The following MICAL3 variants were observed in gnomAD, a reference collection of about 807,000 sequenced individuals.
The protein encoded by MICAL3 is [F-actin]-monooxygenase MICAL3.
In MICAL3, 62 loss-of-function variants were observed where a neutral mutation model predicts 207.4. That is an observed-to-expected ratio of 0.30 (90% CI 0.24 to 0.37). The LOEUF (loss-of-function observed/expected upper bound fraction) is 0.37. Ranked by LOEUF, MICAL3 falls within the 10% of genes least tolerant of loss-of-function variation. MICAL3 has a pLI of 1.00. For missense variants in MICAL3, 2,368 were observed against 2,635.6 expected, an observed-to-expected ratio of 0.90 and a Z score of 2.22; for synonymous variants, 1,077 against 1,069.3, an observed-to-expected ratio of 1.01 and a Z score of -0.14.
chr22:17,839,258 A>AT lies in MICAL3; in HGVS notation c.2801+2563dup, dbSNP rs58568915. Among the ~76,000 whole-genome samples the AT allele has an allele frequency of 6.9e-3, 764 of 110,360 alleles. 31 individuals are homozygous for AT. The highest frequency in any genetic ancestry group is 0.021 in the African/African-American group (567 of 26,470). The allele number at this position is 110,360 out of a possible 152,430, so 72.4% of individuals were successfully genotyped here. On this transcript the variant is annotated intron_variant, in intron 20 of 31. Transcript: ENST00000441493. ...GCTACCGCACCAGGCCGGGCTCTTC[A>AT]TTTTTTTTTTTTTTTTTGAGACGAA...
intron 1 of MICAL3, among the ~76,000 whole-genome samples, chr22:17,974,987 C>A (rs1481720951): frequency 6.6e-6 from 1 of 152,214 alleles, no homozygotes; most frequent in Non-Finnish European, 1.5e-5. Context: ...GGCAGCTGGA[C>A]TCTGGAGCCC....
At chr22:17,927,396 A>G (rs1932973525) in intron 1 of MICAL3, among the ~76,000 whole-genome samples, 2 of 152,160 alleles carry the variant, frequency 1.3e-5, no homozygotes, top group South Asian at 2.1e-4. Context: ...AAACATGGGG[A>G]CACAAATACA....
chr22:17,849,688 ATTTTTTTTTT>A (rs57344653), intron 19 of MICAL3, among the ~76,000 whole-genome samples: 3 of 36,280 alleles, frequency 8.3e-5, no homozygotes, highest in East Asian at 2.0e-3. Context: ...GTGTGTGTGT[ATTTTTTTTTT>A]TTTTTTTTTT....
intron 1 of MICAL3, among the ~76,000 whole-genome samples, chr22:18,022,205 C>T (rs932225770): frequency 6.6e-6 from 1 of 152,020 alleles, no homozygotes; most frequent in Non-Finnish European, 1.5e-5. Flanking sequence ...CTTTTTGCCG[C>T]CCACCCCCAG....
intron 19 of MICAL3, chr22:17,863,247 T>C: frequency 1.0e-6 from 1 of 985,446 alleles, no homozygotes. Context: ...TTAAAAAATG[T>C]TCTGTACTCC....
rs2061823974 is a variant in MICAL3 at position 17,791,453 on chromosome 22, G to C, written c.5651-152C>G. 3 of 674,874 alleles carry C rather than the reference G, an allele frequency of 4.4e-6. No homozygotes were observed. In the South Asian group the frequency reaches 5.3e-5, roughly 12 times the overall value. The allele number at this position is 674,874 out of a possible 1,614,324, so 41.8% of individuals were successfully genotyped here. A position where few individuals can be genotyped will look rare whatever the true frequency, so the allele number is the denominator to read the frequency against. On this transcript the variant is annotated intron_variant, in intron 29 of 31. Coordinates refer to ENST00000441493, the MANE Select transcript of MICAL3 (RefSeq NM_015241.3). Reference sequence around the variant, plus strand: ...GGCCCAAGGTTTGCCTGCAGCCATGGGGCCCTGGCGTCCCCCTTCCTGGGG... The same window carrying C: ...GGCCCAAGGTTTGCCTGCAGCCATGCGGCCCTGGCGTCCCCCTTCCTGGGG...
chr22:17,941,531 G>A (rs1300884370), intron 1 of MICAL3, among the ~76,000 whole-genome samples: 1 of 152,188 alleles, frequency 6.6e-6, no homozygotes, highest in African/African-American at 2.4e-5. Flanking sequence ...AAGACGGAAA[G>A]TAGAAACAGG....
At chr22:17,959,767 C>T (rs1391649155) in intron 1 of MICAL3, among the ~76,000 whole-genome samples, 1 of 152,042 alleles carries the variant, frequency 6.6e-6, no homozygotes, top group Non-Finnish European at 1.5e-5. Context: ...AGATAGCTCT[C>T]CCTGCCCATA....
At position 17,790,792 on chromosome 22, in the gene MICAL3, C is replaced by T. The variant is rs1185233564; in HGVS notation, c.5949G>A (p.Glu1983=). The change falls in exon 32 of 32, where the codon GAG becomes GAA. Residue 1983 remains glutamate (E), a synonymous_variant. Coordinates refer to ENST00000441493, the MANE Select transcript of MICAL3 (RefSeq NM_015241.3). ...LLEEQRLRER[E]EDKDLEAAML... is the part of the protein sequence containing the mutation. ...TGGCAGCCTCCAGGTCCTTGTCCTCCTCTCTCTCCCGGAGCCGCTGCTCCT... is the reference window on the plus strand; with the variant it reads ...TGGCAGCCTCCAGGTCCTTGTCCTCTTCTCTCTCCCGGAGCCGCTGCTCCT... 1 of 1,613,094 alleles carries T rather than the reference C, an allele frequency of 6.2e-7. No individual in the cohort carries two copies. The highest frequency in any genetic ancestry group is 1.7e-5 in the Admixed American group (1 of 59,914).
Position 17,887,163 on chromosome 22 carries a change from A to T in MICAL3, c.2067+7T>A, listed in dbSNP as rs1212889427. 69 of 1,612,474 alleles carry T rather than the reference A, an allele frequency of 4.3e-5. No homozygotes were observed. Among genetic ancestry groups the T allele is most frequent in the Non-Finnish European group, 5.6e-5 (66 of 1,178,844 alleles). The stretch of plus-strand genomic sequence containing the variant: ...ACCATTCTAGCAATTCCCCAAGTGA[A>T]TCTCACCTCCTCTGATTGACTGGTC... On this transcript the variant is annotated splice_region_variant and intron_variant, in intron 15 of 31. Coordinates refer to ENST00000441493, the MANE Select transcript of MICAL3 (RefSeq NM_015241.3).
intron 17 of MICAL3, among the ~76,000 whole-genome samples, chr22:17,868,198 A>G (rs550995904): frequency 6.6e-6 from 1 of 152,250 alleles, no homozygotes; most frequent in African/African-American, 2.4e-5. Flanking sequence ...CCTCCCATGG[A>G]GAAGAACACA....
intron 21 of MICAL3, among the ~76,000 whole-genome samples, chr22:17,830,467 G>A (rs1034425087): frequency 6.6e-6 from 1 of 152,244 alleles, no homozygotes; most frequent in Admixed American, 6.5e-5. Context: ...AAGGGAACGT[G>A]CTTCGACCCG....
In MICAL3 at chr22:17,967,486, A is replaced by ACACCCC. The variant is rs1556491356; in HGVS notation, c.-75+56794_-75+56795insGGGGTG. ...CAAACACACACACACACACACACAC[A>ACACCCC]CACACACCCACACACACCCACTCAT... On this transcript the variant is annotated intron_variant, in intron 1 of 31. Transcript: ENST00000441493. Among the ~76,000 whole-genome samples the ACACCCC allele has an allele frequency of 8.9e-4, 130 of 145,708 alleles. 1 individual carries two copies. In the East Asian group the frequency reaches 0.02, roughly 22 times the overall value.
At chr22:17,901,500 T>A (rs1225052620) in intron 5 of MICAL3, among the ~76,000 whole-genome samples, 2 of 151,896 alleles carry the variant, frequency 1.3e-5, no homozygotes, top group African/African-American at 4.8e-5. Context: ...GAAAACCCAA[T>A]CTCTACAAAA....
chr22:17,869,571 T>C (rs530420412), intron 17 of MICAL3, among the ~76,000 whole-genome samples: 4 of 152,266 alleles, frequency 2.6e-5, no homozygotes, highest in Admixed American at 6.5e-5. Flanking sequence ...AGCTCTGTGT[T>C]TGAGCAGACG....
chr22:18,020,857 T>C (rs1433432265), intron 1 of MICAL3, among the ~76,000 whole-genome samples: 1 of 151,588 alleles, frequency 6.6e-6, no homozygotes, highest in Non-Finnish European at 1.5e-5. Context: ...GAGGCTGCAG[T>C]GAGCCAAGAT....
intron 1 of MICAL3, among the ~76,000 whole-genome samples, chr22:17,980,104 C>T (rs1267133003): frequency 6.8e-6 from 1 of 146,374 alleles, no homozygotes; most frequent in Non-Finnish European, 1.6e-5. Flanking sequence ...GCTAGGATTA[C>T]AGGGGTGAAC....
chr22:17,992,044 A>G (rs752326212), intron 1 of MICAL3, among the ~76,000 whole-genome samples: 3 of 152,204 alleles, frequency 2.0e-5, no homozygotes, highest in Non-Finnish European at 4.4e-5. Flanking sequence ...CACCGTTGCT[A>G]GAGCACCTAG....
intron 20 of MICAL3, chr22:17,834,407 G>A (rs1322766502): frequency 7.8e-7 from 1 of 1,284,288 alleles, no homozygotes; most frequent in Non-Finnish European, 1.0e-6. Context: ...GGAACACAAA[G>A]GTGACACAGA....
Sources: gnomAD v4.1 joint callset for allele counts (sites outside exome capture counted in the v4.1 genomes callset) on GRCh38, gnomAD v4.1.1 for gene constraint, MANE v1.5 for transcripts, NCBI Gene and HGNC (gene_info 2026-07-23, HGNC 2026-07-21) for gene names.